Variants in HIVEP3 observed in about 807,000 individuals in gnomAD.
HIVEP3 encodes transcription factor HIVEP3.
HIVEP3 carries 49 observed loss-of-function variants against 152.8 expected under a neutral mutation model. That is an observed-to-expected ratio of 0.32 (90% CI 0.26 to 0.41). HIVEP3 has a LOEUF of 0.41. HIVEP3 is among the 10% of genes least tolerant of loss of function. HIVEP3 has a pLI of 1.00. For missense variants in HIVEP3, 2,790 were observed against 3,103.3 expected, an observed-to-expected ratio of 0.90 and a Z score of 2.40; for synonymous variants, 1,269 against 1,289.0, an observed-to-expected ratio of 0.98 and a Z score of 0.33.
chr1:41,545,024 CACCACCACCACCAA>C (rs1558047441), intron 5 of HIVEP3, among the ~76,000 whole-genome samples: 1 of 110,456 alleles, frequency 9.1e-6, no homozygotes, highest in Non-Finnish European at 2.0e-5. Flanking sequence ...CCACTACCAC[CACCACCACCACCAA>C]TACCACTACC....
intron 4 of HIVEP3, 80 bp downstream of exon 4, chr1:41,579,657 C>T: frequency 6.7e-7 from 1 of 1,483,592 alleles, no homozygotes; most frequent in Non-Finnish European, 9.0e-7. Context: ...GCAACTGGAA[C>T]CTGAGGATAC....
In HIVEP3 at chr1:41,583,142, G is replaced by C. The variant is rs771153576; in HGVS notation, c.1656C>G (p.Thr552=). The change falls in exon 4 of 9, where the codon ACC becomes ACG. Residue 552 remains threonine, a synonymous_variant. Transcript: ENST00000372583. The surrounding 1 kb of genome is among the most constrained non-coding windows in gnomAD (Gnocchi z 6.9). ...SMPSAACTIS[T]PHHPFRGSYS... is the part of the protein sequence containing the mutation. ...AGCTACCTCGGAAGGGGTGGTGGGG[G>C]GTGCTGATAGTGCAGGCGGCAGAAG... 3.1e-6 allele frequency: 5 copies of C among 1,613,386 alleles called. No homozygotes were observed. In the South Asian group the frequency reaches 5.5e-5, roughly 18 times the overall value.
At chr1:41,703,189 C>G (rs1021935251) in intron 1 of HIVEP3, among the ~76,000 whole-genome samples, 1 of 152,220 alleles carries the variant, frequency 6.6e-6, no homozygotes, top group African/African-American at 2.4e-5. Context: ...GGAAACGGAC[C>G]AAGGCTCTGC....
intron 1 of HIVEP3, among the ~76,000 whole-genome samples, chr1:41,996,766 G>A (rs1439334605): frequency 1.3e-5 from 2 of 152,166 alleles, no homozygotes; most frequent in African/African-American, 2.4e-5. Flanking sequence ...GAGGTCAGAA[G>A]TCTCACATGG....
At chr1:41,831,349 G>A (rs992770951) in intron 1 of HIVEP3, among the ~76,000 whole-genome samples, 5 of 152,118 alleles carry the variant, frequency 3.3e-5, no homozygotes, top group African/African-American at 4.8e-5. Flanking sequence ...TCTCATCTGC[G>A]GAATGAGATG....
rs78725517 is a variant in HIVEP3 at position 41,809,828 on chromosome 1, G to A, written c.-801+108585C>T. Among the ~76,000 whole-genome samples, 383 of 152,284 alleles carry A rather than the reference G, an allele frequency of 2.5e-3. 1 individual carries two copies. The highest frequency in any genetic ancestry group is 8.6e-3 in the African/African-American group (356 of 41,550). ...GAGGGTTCAGATGAAAGAAAAAGGG[G>A]AAGGTCCCTGAGAATAAATCTGCTG... On this transcript the variant is annotated intron_variant, in intron 1 of 8. Transcript: ENST00000372583.
chr1:41,823,368 A>G, intron 1 of HIVEP3, among the ~76,000 whole-genome samples: 1 of 152,246 alleles, frequency 6.6e-6, no homozygotes. Flanking sequence ...ATGCAGATAC[A>G]AAAGTCCCCA....
At chr1:41,632,709 T>A (rs553384394) in intron 2 of HIVEP3, among the ~76,000 whole-genome samples, 12 of 151,762 alleles carry the variant, frequency 7.9e-5, no homozygotes, top group African/African-American at 2.7e-4. Context: ...TGAGCCAAGA[T>A]TGTGCCACTG....
chr1:41,990,444 G>C (rs1443678783), intron 1 of HIVEP3, among the ~76,000 whole-genome samples: 5 of 149,592 alleles, frequency 3.3e-5, no homozygotes, highest in Non-Finnish European at 7.5e-5. Flanking sequence ...TCAACAAGAA[G>C]AGCTAACTAT....
At chr1:41,905,543 T>C (rs1239830853) in intron 1 of HIVEP3, among the ~76,000 whole-genome samples, 1 of 152,248 alleles carries the variant, frequency 6.6e-6, no homozygotes, top group African/African-American at 2.4e-5. Flanking sequence ...GTATCTGATT[T>C]CACAATCCCA....
intron 1 of HIVEP3, among the ~76,000 whole-genome samples, chr1:41,712,205 C>T (rs1055305041): frequency 4.6e-5 from 7 of 152,248 alleles, no homozygotes; most frequent in Admixed American, 6.5e-5. Flanking sequence ...AGATTCGACA[C>T]ATGCAGTTAC....
At chr1:41,681,340 C>T (rs1235377476) in intron 2 of HIVEP3, among the ~76,000 whole-genome samples, 3 of 152,188 alleles carry the variant, frequency 2.0e-5, no homozygotes, top group Non-Finnish European at 4.4e-5. Context: ...GTAATCCTCC[C>T]GTCTTAGCCT....
rs1054931207 is a variant in HIVEP3 at position 41,662,923 on chromosome 1, C to G, written c.-720-33976G>C. Among the ~76,000 whole-genome samples, 3 of 152,204 alleles carry G rather than the reference C, an allele frequency of 2.0e-5. No individual in the cohort carries two copies. The highest frequency in any genetic ancestry group is 7.2e-5 in the African/African-American group (3 of 41,454). ...CGGGCTCCGGGAAGCCCGCGCCTCCCCAGGCGGGAATCCGCTTTAATGAGC... is the reference window on the plus strand; with the variant it reads ...CGGGCTCCGGGAAGCCCGCGCCTCCGCAGGCGGGAATCCGCTTTAATGAGC... On this transcript the variant is annotated intron_variant, in intron 2 of 8. Transcript: ENST00000372583. The surrounding 1 kb of genome is among the most constrained non-coding windows in gnomAD (Gnocchi z 7.2).
intron 1 of HIVEP3, among the ~76,000 whole-genome samples, chr1:41,756,893 C>T (rs1258172775): frequency 1.3e-5 from 2 of 151,974 alleles, no homozygotes; most frequent in Admixed American, 6.6e-5. Context: ...GTTGAATAAA[C>T]AAATAATATA....
chr1:41,855,594 C>A (rs944074007), intron 1 of HIVEP3, among the ~76,000 whole-genome samples: 2 of 152,190 alleles, frequency 1.3e-5, no homozygotes, highest in Non-Finnish European at 2.9e-5. Context: ...CCAAACTCAC[C>A]TTCTCCATGA....
intron 1 of HIVEP3, among the ~76,000 whole-genome samples, chr1:41,770,248 C>G (rs1648267476): frequency 6.6e-6 from 1 of 152,132 alleles, no homozygotes; most frequent in African/African-American, 2.4e-5. Flanking sequence ...GCTGGGATTA[C>G]AGATGAATGC....
intron 1 of HIVEP3, among the ~76,000 whole-genome samples, chr1:42,010,155 A>T (rs1645484883): frequency 6.6e-6 from 1 of 152,232 alleles, no homozygotes; most frequent in Non-Finnish European, 1.5e-5. Context: ...TTGGTCTCCC[A>T]AAGTGCTGAG....
At chr1:41,713,451 G>A (rs955256314) in intron 1 of HIVEP3, among the ~76,000 whole-genome samples, 3 of 152,168 alleles carry the variant, frequency 2.0e-5, no homozygotes, top group African/African-American at 7.2e-5. Flanking sequence ...GAGAATAATG[G>A]GGCATGTAGA....
intron 1 of HIVEP3, among the ~76,000 whole-genome samples, chr1:42,019,983 C>T (rs1241843694): frequency 1.3e-5 from 2 of 152,016 alleles, no homozygotes; most frequent in Non-Finnish European, 2.9e-5. Context: ...CTCCTTTATT[C>T]TGTTACTACA....
Sources: gnomAD v4.1 joint callset for allele counts (sites outside exome capture counted in the v4.1 genomes callset) on GRCh38, gnomAD v4.1.1 for gene constraint, Gnocchi (gnomAD v3.1) non-coding constraint, MANE v1.5 for transcripts, NCBI Gene and HGNC (gene_info 2026-07-23, HGNC 2026-07-21) for gene names.